Variants in FANCL observed in about 807,000 individuals in gnomAD.
FANCL encodes E3 ubiquitin-protein ligase FANCL.
Under a neutral mutation model 59.4 loss-of-function variants are expected in FANCL, and 69 were observed. The observed-to-expected ratio is 1.16, with a 90% CI of 0.96 to 1.42. The LOEUF (loss-of-function observed/expected upper bound fraction) is 1.42. Ranked by LOEUF, FANCL falls within the 40% of genes most tolerant of loss-of-function variation. The pLI is 0.00. For synonymous variants in FANCL, 180 were observed against 147.1 expected (o/e 1.22, Z -1.62); for missense variants, 519 against 447.2 (o/e 1.16, Z -1.45).
intron 2 of FANCL, among the ~76,000 whole-genome samples, chr2:58,231,246 A>G (rs1451310156): frequency 6.6e-6 from 1 of 152,130 alleles, no homozygotes; most frequent in East Asian, 1.9e-4. Flanking sequence ...TCTATTCATA[A>G]TCAAGGTCTC....
At chr2:58,175,792 G>A (rs1687239097) in intron 7 of FANCL, among the ~76,000 whole-genome samples, 1 of 152,020 alleles carries the variant, frequency 6.6e-6, no homozygotes, top group Non-Finnish European at 1.5e-5. Flanking sequence ...GGGCAATTAG[G>A]CAGGAGAAGG....
chr2:58,175,063 T>C (rs1447585516), intron 7 of FANCL, among the ~76,000 whole-genome samples: 2 of 150,914 alleles, frequency 1.3e-5, no homozygotes, highest in Non-Finnish European at 2.9e-5. Context: ...CGACACATAC[T>C]CCCTCCCAAG....
intron 5 of FANCL, among the ~76,000 whole-genome samples, chr2:58,219,204 A>C (rs183111468): frequency 3.9e-4 from 51 of 129,128 alleles, no homozygotes; most frequent in Middle Eastern, 8.0e-3. Context: ...ATATATATAT[A>C]TCCACAATGA....
chr2:58,226,576 T>C lies in FANCL; in HGVS notation c.273+152A>G, dbSNP rs559971301. The C allele has an allele frequency of 5.3e-4, 353 of 660,466 alleles. 2 individuals are homozygous for C. In the African/African-American group the frequency reaches 5.9e-3, roughly 11 times the overall value. 40.9% of individuals were successfully genotyped at this position (660,466 alleles called of 1,614,324 possible). On this transcript the variant is annotated intron_variant, in intron 4 of 13. Transcript: ENST00000233741. ...TCCCTCATGCAGTTCAAGAAATGCGTCATCTATATTTATGTACACAGTAAA... is the reference window on the plus strand; with the variant it reads ...TCCCTCATGCAGTTCAAGAAATGCGCCATCTATATTTATGTACACAGTAAA...
chr2:58,184,391 A>C (rs949797195), intron 7 of FANCL, among the ~76,000 whole-genome samples: 1 of 152,056 alleles, frequency 6.6e-6, no homozygotes, highest in African/African-American at 2.4e-5. Context: ...AATATGGGAG[A>C]AAAACTGCAA....
At chr2:58,181,694 A>C (rs1278515826) in intron 7 of FANCL, among the ~76,000 whole-genome samples, 1 of 152,032 alleles carries the variant, frequency 6.6e-6, no homozygotes, top group Non-Finnish European at 1.5e-5. Context: ...TAACTATCAA[A>C]TTTAGATGGT....
chr2:58,223,149 A>G (rs1475982225), intron 4 of FANCL, among the ~76,000 whole-genome samples: 2 of 151,628 alleles, frequency 1.3e-5, no homozygotes, highest in Admixed American at 6.6e-5. Flanking sequence ...TGAAAAAAAA[A>G]AAACAACTGG....
rs767781467 is a variant in FANCL, at chr2:58,163,397, ACT to A, written c.775+35_775+36del. 2.1e-5 allele frequency: 27 copies of A among 1,300,392 alleles called. No individual in the cohort carries two copies. In the African/African-American group the frequency reaches 2.2e-4, roughly 11 times the overall value. 80.6% of individuals were successfully genotyped at this position (1,300,392 alleles called of 1,614,324 possible). Reference sequence around the variant, plus strand: ...AACAATGCTAGGCAAGGATTTTATGACTCTATTAAAAAACGTTTAAATCTCAG... The same window carrying A: ...AACAATGCTAGGCAAGGATTTTATGACTATTAAAAAACGTTTAAATCTCAG... On this transcript the variant is annotated intron_variant, in intron 9 of 13. Coordinates refer to ENST00000233741, the MANE Select transcript of FANCL (RefSeq NM_018062.4).
chr2:58,165,583 G>A lies in FANCL; in HGVS notation c.691+141C>T, dbSNP rs111571239. The A allele has an allele frequency of 5.1e-4, 488 of 948,446 alleles. 2 individuals are homozygous for A. In the African/African-American group the frequency reaches 7.0e-3, roughly 14 times the overall value. 58.8% of individuals were successfully genotyped at this position (948,446 alleles called of 1,614,324 possible). A position where few individuals can be genotyped will look rare whatever the true frequency, so the allele number is the denominator to read the frequency against. On this transcript the variant is annotated intron_variant, in intron 8 of 13. Coordinates refer to ENST00000233741, the MANE Select transcript of FANCL (RefSeq NM_018062.4). ...TAAAATATTTACATTTAAATGTGTA[G>A]CCAAAAAAAAGTTTATACTAGAAAA...
Position 58,195,608 on chromosome 2 carries a change from T to C in FANCL, c.540+2986A>G, listed in dbSNP as rs139680428. Among the ~76,000 whole-genome samples the C allele has an allele frequency of 6.4e-4, 97 of 152,074 alleles. No homozygotes were observed. The Middle Eastern group carries it at 0.01, about 16-fold the overall frequency. ...AAGTTAAACTCTGTATGACAAAATATATACAAAGTTAAAAGACATGCCACA... is the reference window on the plus strand; with the variant it reads ...AAGTTAAACTCTGTATGACAAAATACATACAAAGTTAAAAGACATGCCACA... On this transcript the variant is annotated intron_variant, in intron 7 of 13. Transcript: ENST00000233741.
At chr2:58,186,765 G>T (rs1688442638) in intron 7 of FANCL, among the ~76,000 whole-genome samples, 1 of 152,168 alleles carries the variant, frequency 6.6e-6, no homozygotes. Flanking sequence ...AAGTAAAGTG[G>T]CGGAACCGCA....
At chr2:58,168,273 T>C (rs112551221) in intron 7 of FANCL, among the ~76,000 whole-genome samples, 19 of 152,098 alleles carry the variant, frequency 1.2e-4, no homozygotes, top group African/African-American at 4.6e-4. Flanking sequence ...TGGGACTGGT[T>C]AGATAGTGGG....
At chr2:58,179,591 G>T (rs1284315588) in intron 7 of FANCL, among the ~76,000 whole-genome samples, 1 of 152,054 alleles carries the variant, frequency 6.6e-6, no homozygotes, top group Non-Finnish European at 1.5e-5. Flanking sequence ...AACACAATAT[G>T]GATTAAAGAC....
chr2:58,193,800 T>C (rs578136417), intron 7 of FANCL, among the ~76,000 whole-genome samples: 1 of 152,270 alleles, frequency 6.6e-6, no homozygotes, highest in East Asian at 1.9e-4. Context: ...TTAAACTCGA[T>C]TTATTTTTCT....
chr2:58,198,637 A>G lies in FANCL; in HGVS notation c.497T>C (p.Phe166Ser), dbSNP rs1259863288. 6.2e-7 allele frequency: 1 copy of G among 1,613,974 alleles called. No homozygotes were observed. The highest frequency in any genetic ancestry group is 8.5e-7 in the Non-Finnish European group (1 of 1,179,838). ...AKYPAESPDY[F>S]VDFPVPFCAS... ...ACAAAATGGAACAGGAAAATCCACA[A>G]AATAATCTGGTGATTCTGCAGGATA... The change falls in exon 7 of 14, where the codon TTT becomes TCT. Residue 166 changes from phenylalanine (F) to serine (S), a missense_variant. Coordinates refer to ENST00000233741, the MANE Select transcript of FANCL (RefSeq NM_018062.4).
At chr2:58,181,122 A>G (rs368443564) in intron 7 of FANCL, among the ~76,000 whole-genome samples, 2 of 152,138 alleles carry the variant, frequency 1.3e-5, no homozygotes, top group African/African-American at 2.4e-5. Context: ...AGCTACATTC[A>G]TAAGCACCAA....
chr2:58,210,770 CATG>C (rs1364175194), intron 5 of FANCL, among the ~76,000 whole-genome samples: 1 of 152,176 alleles, frequency 6.6e-6, no homozygotes, highest in Non-Finnish European at 1.5e-5. Flanking sequence ...CTACAGGCCC[CATG>C]CAAGTCCAAA....
At chr2:58,188,380 G>T (rs1688611462) in intron 7 of FANCL, among the ~76,000 whole-genome samples, 1 of 151,888 alleles carries the variant, frequency 6.6e-6, no homozygotes, top group Non-Finnish European at 1.5e-5. Context: ...ACTATCACAG[G>T]ACCTTTGCAG....
intron 5 of FANCL, among the ~76,000 whole-genome samples, chr2:58,211,380 C>A (rs1323385763): frequency 6.6e-6 from 1 of 152,196 alleles, no homozygotes; most frequent in African/African-American, 2.4e-5. Flanking sequence ...CCCTAGCCTG[C>A]ACACAGTGCT....
Sources: gnomAD v4.1 joint callset for allele counts (sites outside exome capture counted in the v4.1 genomes callset) on GRCh38, gnomAD v4.1.1 for gene constraint, MANE v1.5 for transcripts, NCBI Gene and HGNC (gene_info 2026-07-23, HGNC 2026-07-21) for gene names.